The following RNASEH2B variants were observed in gnomAD, a reference collection of about 807,000 sequenced individuals.
RNASEH2B encodes ribonuclease H2 subunit B, also known as Aicardi-Goutieres syndrome 2 protein.
RNASEH2B carries 36 observed loss-of-function variants against 45.0 expected under a neutral mutation model. That is an observed-to-expected ratio of 0.80 (90% CI 0.61 to 1.06). RNASEH2B has a LOEUF of 1.06. Ranked by LOEUF, RNASEH2B falls within the 50% of genes least tolerant of loss-of-function variation. The pLI, the probability that RNASEH2B is intolerant of heterozygous loss-of-function variation, is 0.00. For synonymous variants in RNASEH2B, 119 were observed against 125.7 expected (o/e 0.95, Z 0.35); for missense variants, 361 against 360.3 (o/e 1.00, Z -0.02).
chr13:50,934,532 G>A (rs796543523), intron 4 of RNASEH2B: 75 of 333,666 alleles, frequency 2.2e-4, no homozygotes, highest in African/African-American at 1.4e-3. Flanking sequence ...TGTGACCACA[G>A]CTGGTTCTTC....
intron 2 of RNASEH2B, chr13:50,928,385 T>C (rs942960115): frequency 1.3e-5 from 2 of 152,232 alleles, no homozygotes; most frequent in African/African-American, 4.8e-5. Context: ...TGAAATTGAC[T>C]GTAATTGGTC....
intron 5 of RNASEH2B, chr13:50,941,518 G>C (rs981128065): frequency 3.3e-5 from 5 of 152,240 alleles, no homozygotes; most frequent in African/African-American, 7.2e-5. Flanking sequence ...AGAAAGAAGT[G>C]AGATGCCAGA....
intron 1 of RNASEH2B, among the ~76,000 whole-genome samples, chr13:50,926,056 A>G (rs148942438): frequency 3.6e-4 from 55 of 151,628 alleles, no homozygotes; most frequent in Non-Finnish European, 7.1e-4. Context: ...GTTGTTTCAT[A>G]TATTTTGTCT....
At chr13:50,965,572 G>A (rs1952157424) in intron 9 of RNASEH2B, among the ~76,000 whole-genome samples, 1 of 152,186 alleles carries the variant, frequency 6.6e-6, no homozygotes, top group Non-Finnish European at 1.5e-5. Flanking sequence ...TACAGTGTTG[G>A]AGTCCTTGAC....
At position 50,910,068 on chromosome 13, in the gene RNASEH2B, G is replaced by A. The variant is rs765552524; in HGVS notation, c.-9G>A. ...CTGAGCCTGCGGCGCCCCGGAAGAG[G>A]CGGGCGGCATGGCCGCTGGCGTGGA... On this transcript the variant is annotated 5_prime_UTR_variant, in exon 1 of 11. Coordinates refer to ENST00000336617, the MANE Select transcript of RNASEH2B (RefSeq NM_024570.4). 27 of 1,462,944 alleles carry A rather than the reference G, an allele frequency of 1.8e-5. No homozygotes were observed. The South Asian group carries it at 3.0e-4, about 16-fold the overall frequency. 90.6% of individuals were successfully genotyped at this position (1,462,944 alleles called of 1,614,324 possible). A position where few individuals can be genotyped will look rare whatever the true frequency, so the allele number is the denominator to read the frequency against.
intron 3 of RNASEH2B, chr13:50,930,083 T>G (rs1400990906): frequency 9.2e-6 from 2 of 217,594 alleles, no homozygotes; most frequent in African/African-American, 4.7e-5. Context: ...TCTTGTGGTG[T>G]TCCCTTAATT....
chr13:50,928,775 C>T (rs947893517), intron 2 of RNASEH2B, among the ~76,000 whole-genome samples: 8 of 151,966 alleles, frequency 5.3e-5, no homozygotes, highest in African/African-American at 1.9e-4. Flanking sequence ...TGTAACTTCT[C>T]CAAGGGCACG....
In RNASEH2B at chr13:50,927,467, A is replaced by G; in HGVS notation, c.125A>G (p.Asn42Ser). ...GGGCTAATGTTTGTAAAACTGGTTA[A>G]CCCCTGTTCAGGTAAGTTCTCTTCT... ...KNGLMFVKLV[N>S]PCSGEGAIYL... Residue 42 changes from asparagine to serine, a missense_variant, in exon 2 of 11, where the codon AAC becomes AGC. By Grantham distance (46) the Asn-to-Ser change is conservative. Coordinates refer to ENST00000336617, the MANE Select transcript of RNASEH2B (RefSeq NM_024570.4). The G allele has an allele frequency of 6.3e-7, 1 of 1,597,152 alleles. No homozygotes were observed. The highest frequency in any genetic ancestry group is 8.6e-7 in the Non-Finnish European group (1 of 1,164,758).
intron 10 of RNASEH2B, 41 bp downstream of exon 10, chr13:50,954,026 G>C (rs1449637267): frequency 2.6e-6 from 3 of 1,175,546 alleles, no homozygotes; most frequent in Non-Finnish European, 3.8e-6. Flanking sequence ...TTCATACTCA[G>C]TGCGTGATGT....
chr13:50,915,018 A>G (rs988495394), intron 1 of RNASEH2B, among the ~76,000 whole-genome samples: 30 of 152,328 alleles, frequency 2.0e-4, no homozygotes, highest in African/African-American at 6.3e-4. Context: ...CTTCCTCACT[A>G]TAAAGCCTCA....
At chr13:50,943,464 C>T (rs1951859036) in intron 6 of RNASEH2B, 70 bp downstream of exon 6, 2 of 1,064,096 alleles carry the variant, frequency 1.9e-6, no homozygotes, top group Non-Finnish European at 2.9e-6. Flanking sequence ...TCAGAGAAGG[C>T]AGTAAGTCTG....
intron 4 of RNASEH2B, among the ~76,000 whole-genome samples, chr13:50,932,241 G>A (rs1473520436): frequency 6.6e-6 from 1 of 152,176 alleles, no homozygotes; most frequent in African/African-American, 2.4e-5. Flanking sequence ...TGAAAAAGCA[G>A]CTGGTTCTGC....
chr13:50,923,837 A>T lies in RNASEH2B; in HGVS notation c.65-3570A>T, dbSNP rs79202634. Among the ~76,000 whole-genome samples the T allele has an allele frequency of 0.027, 4,186 of 152,300 alleles. 299 individuals are homozygous for T. The East Asian group carries it at 0.29, about 11-fold the overall frequency. On this transcript the variant is annotated intron_variant, in intron 1 of 10. Transcript: ENST00000336617. ...ATAACTACATAGAGCAATAATTATG[A>T]ACTGTGTTAACAGGCTTATAATATG...
chr13:50,920,028 T>C (rs1013615382), intron 1 of RNASEH2B, among the ~76,000 whole-genome samples: 4 of 149,214 alleles, frequency 2.7e-5, no homozygotes, highest in African/African-American at 1.0e-4. Flanking sequence ...TGTTTTGTTT[T>C]GTTTTGTTTT....
At chr13:50,940,315 A>G (rs1332655890) in intron 5 of RNASEH2B, among the ~76,000 whole-genome samples, 1 of 152,194 alleles carries the variant, frequency 6.6e-6, no homozygotes, top group Non-Finnish European at 1.5e-5. Context: ...TGCTTACATG[A>G]CTGCATACAT....
chr13:50,917,061 C>A (rs1460635800), intron 1 of RNASEH2B, among the ~76,000 whole-genome samples: 1 of 152,180 alleles, frequency 6.6e-6, no homozygotes, highest in East Asian at 1.9e-4. Flanking sequence ...CCTCTTAGTT[C>A]CAGTTTGAAA....
intron 1 of RNASEH2B, among the ~76,000 whole-genome samples, chr13:50,914,184 T>C (rs1452816198): frequency 1.3e-5 from 2 of 152,158 alleles, no homozygotes; most frequent in Non-Finnish European, 2.9e-5. Context: ...TAGATTTAAC[T>C]GACTTTTCAG....
At chr13:50,923,117 T>C (rs552886498) in intron 1 of RNASEH2B, among the ~76,000 whole-genome samples, 1 of 152,260 alleles carries the variant, frequency 6.6e-6, no homozygotes, top group East Asian at 1.9e-4. Context: ...CAATTGAGAT[T>C]ATCCAGGGTG....
chr13:50,952,664 G>A (rs1235592499), intron 9 of RNASEH2B: 2 of 152,204 alleles, frequency 1.3e-5, no homozygotes, highest in Non-Finnish European at 2.9e-5. Context: ...GCCTCCCAAA[G>A]TGCTGGGATT....
Sources: allele counts gnomAD v4.1 joint callset (sites outside exome capture counted in the v4.1 genomes callset), GRCh38; gene constraint gnomAD v4.1.1; transcripts MANE v1.5; gene names NCBI Gene and HGNC (gene_info 2026-07-23, HGNC 2026-07-21).